The following C1orf21 variants were observed in gnomAD, a reference collection of about 807,000 sequenced individuals.
The protein encoded by C1orf21 is uncharacterized protein C1orf21.
C1orf21 carries 3 observed loss-of-function variants against 18.7 expected under a neutral mutation model. The observed-to-expected ratio is 0.16, with a 90% CI of 0.07 to 0.42. The LOEUF (loss-of-function observed/expected upper bound fraction) is 0.42. C1orf21 is among the 10% of genes least tolerant of loss of function. The pLI is 0.99. For missense variants in C1orf21, 104 were observed against 143.6 expected (o/e 0.72, Z 1.41); for synonymous variants, 41 against 46.4 (o/e 0.88, Z 0.47).
chr1:184,518,099 C>T (rs1658256726), intron 3 of C1orf21, among the ~76,000 whole-genome samples: 3 of 152,140 alleles, frequency 2.0e-5, no homozygotes, highest in Admixed American at 6.5e-5. Context: ...ATCCAGCTAG[C>T]ATTTTTGTGT....
chr1:184,455,028 G>C (rs1657177480), intron 1 of C1orf21, among the ~76,000 whole-genome samples: 1 of 152,124 alleles, frequency 6.6e-6, no homozygotes, highest in African/African-American at 2.4e-5. Flanking sequence ...AAAAGAAGGG[G>C]GCAGGGGGGA....
intron 2 of C1orf21, among the ~76,000 whole-genome samples, chr1:184,490,948 A>T (rs923975798): frequency 6.6e-6 from 1 of 152,168 alleles, no homozygotes; most frequent in East Asian, 1.9e-4. Flanking sequence ...AAAGCATTTT[A>T]TAACTATGTA....
intron 1 of C1orf21, among the ~76,000 whole-genome samples, chr1:184,422,001 T>G (rs1251999005): frequency 2.0e-5 from 3 of 152,222 alleles, no homozygotes; most frequent in Admixed American, 1.3e-4. Context: ...AGCATATAAA[T>G]GCCAACTGTA....
chr1:184,549,468 T>C (rs900417995), intron 3 of C1orf21, among the ~76,000 whole-genome samples: 2 of 151,964 alleles, frequency 1.3e-5, no homozygotes, highest in African/African-American at 4.8e-5. Context: ...ATGTATTAAA[T>C]ATATAAAGTT....
chr1:184,511,358 G>T (rs1658141181), intron 3 of C1orf21, among the ~76,000 whole-genome samples: 1 of 152,140 alleles, frequency 6.6e-6, no homozygotes, highest in Non-Finnish European at 1.5e-5. Context: ...CCGCTTTCTG[G>T]TAGCAGATAG....
At chr1:184,574,885 T>G (rs961464923) in intron 3 of C1orf21, among the ~76,000 whole-genome samples, 3 of 152,210 alleles carry the variant, frequency 2.0e-5, no homozygotes, top group South Asian at 2.1e-4. Context: ...CCCAGTCCTG[T>G]CACTATCCCG....
At chr1:184,551,765 T>A (rs540024175) in intron 3 of C1orf21, among the ~76,000 whole-genome samples, 1 of 152,146 alleles carries the variant, frequency 6.6e-6, no homozygotes, top group African/African-American at 2.4e-5. Flanking sequence ...CCAGCACTTT[T>A]GGAGGCTGAG....
chr1:184,436,245 C>T (rs192447059), intron 1 of C1orf21, among the ~76,000 whole-genome samples: 3 of 152,240 alleles, frequency 2.0e-5, no homozygotes, highest in Admixed American at 2.0e-4. Context: ...TAGATGCAGC[C>T]ACATTGGCGA....
At chr1:184,466,067 A>G (rs16823213) in intron 1 of C1orf21, among the ~76,000 whole-genome samples, 24,187 of 152,148 alleles carry the variant, frequency 0.16, 2,164 homozygotes, top group African/African-American at 0.21. Context: ...GTTCACTAAT[A>G]GCGCTACTTC....
At chr1:184,478,686 T>C (rs1484058800) in intron 2 of C1orf21, among the ~76,000 whole-genome samples, 1 of 152,208 alleles carries the variant, frequency 6.6e-6, no homozygotes, top group Non-Finnish European at 1.5e-5. Flanking sequence ...GATCTTGAGA[T>C]TGGCCCTTAG....
rs542401050 is a variant in C1orf21, at chr1:184,530,981, C to T, written c.189+23299C>T. Among the ~76,000 whole-genome samples the T allele has an allele frequency of 2.3e-3, 351 of 152,202 alleles. 1 individual carries two copies. Among genetic ancestry groups the T allele is most frequent in the African/African-American group, 8.1e-3 (338 of 41,534 alleles). On this transcript the variant is annotated intron_variant, in intron 3 of 5. Transcript: ENST00000235307. Reference sequence around the variant, plus strand: ...ATATTATGTAGGTTTTACCCTCTTCCCAAGTCCCCAGTCCCTATACTCCCA... The same window carrying T: ...ATATTATGTAGGTTTTACCCTCTTCTCAAGTCCCCAGTCCCTATACTCCCA...
intron 1 of C1orf21, among the ~76,000 whole-genome samples, chr1:184,452,337 A>G (rs527424165): frequency 6.6e-6 from 1 of 152,296 alleles, no homozygotes; most frequent in Non-Finnish European, 1.5e-5. Flanking sequence ...ATTTCTCTTC[A>G]TTGCAGGTGT....
intron 1 of C1orf21, among the ~76,000 whole-genome samples, chr1:184,427,247 A>T (rs1270920110): frequency 6.6e-6 from 1 of 152,194 alleles, no homozygotes; most frequent in Non-Finnish European, 1.5e-5. Flanking sequence ...GCTTACAAAA[A>T]TCTGCTAAAG....
intron 3 of C1orf21, among the ~76,000 whole-genome samples, chr1:184,509,207 C>A (rs115295465): frequency 6.6e-6 from 1 of 152,176 alleles, no homozygotes; most frequent in East Asian, 1.9e-4. Flanking sequence ...AGTTTTTTCT[C>A]AGTGTGCTTT....
At chr1:184,525,777 A>G (rs553906612) in intron 3 of C1orf21, among the ~76,000 whole-genome samples, 1 of 152,338 alleles carries the variant, frequency 6.6e-6, no homozygotes, top group East Asian at 1.9e-4. Flanking sequence ...ACAGCTGGGC[A>G]GAACAGCAGG....
At chr1:184,574,773 A>G (rs1199082549) in intron 3 of C1orf21, among the ~76,000 whole-genome samples, 1 of 152,174 alleles carries the variant, frequency 6.6e-6, no homozygotes, top group African/African-American at 2.4e-5. Context: ...TCCTAGTGAA[A>G]GAGTCTCAGA....
At chr1:184,546,754 A>G (rs941195114) in intron 3 of C1orf21, among the ~76,000 whole-genome samples, 1 of 152,232 alleles carries the variant, frequency 6.6e-6, no homozygotes, top group Non-Finnish European at 1.5e-5. Context: ...ACCTCCAGGT[A>G]TATGAAAACC....
intron 1 of C1orf21, among the ~76,000 whole-genome samples, chr1:184,409,234 CA>C (rs755585522): frequency 6.6e-6 from 1 of 152,168 alleles, no homozygotes; most frequent in African/African-American, 2.4e-5. Flanking sequence ...CTGAGAGGCC[CA>C]GAAAATCTGC....
chr1:184,411,370 T>C (rs553469448), intron 1 of C1orf21, among the ~76,000 whole-genome samples: 1 of 152,230 alleles, frequency 6.6e-6, no homozygotes, highest in South Asian at 2.1e-4. Flanking sequence ...AATGTTATCT[T>C]TTCCTTAAGC....
Sources: allele counts gnomAD v4.1 joint callset (sites outside exome capture counted in the v4.1 genomes callset), GRCh38; gene constraint gnomAD v4.1.1; transcripts MANE v1.5; gene names NCBI Gene and HGNC (gene_info 2026-07-23, HGNC 2026-07-21).